ACACA: variants seen among roughly 807,000 people sequenced by gnomAD.
ACACA encodes the protein acetyl-CoA carboxylase 1.
ACACA carries 103 observed loss-of-function variants against 296.1 expected under a neutral mutation model. The observed-to-expected ratio is 0.35, with a 90% CI of 0.30 to 0.41. The LOEUF is 0.41. Among genes scored for constraint, ACACA ranks in the 10% least tolerant of loss-of-function variants. The pLI is 1.00. For missense variants in ACACA, 1,554 were observed against 2,989.7 expected (o/e 0.52, Z 11.20); for synonymous variants, 953 against 1,038.6 (o/e 0.92, Z 1.58).
chr17:37,181,279 G>A lies in ACACA; in HGVS notation c.4854C>T (p.Asp1618=), dbSNP rs1263279506. 6.2e-7 allele frequency: 1 copy of A among 1,613,874 alleles called. No individual in the cohort carries two copies. The highest frequency in any genetic ancestry group is 1.7e-5 in the Admixed American group (1 of 59,994). The change falls in exon 40 of 56, where the codon GAC becomes GAT. Residue 1618 remains aspartate, a synonymous_variant. Coordinates refer to ENST00000616317, the MANE Select transcript of ACACA (RefSeq NM_198834.3). ...CCTGGAACCTCTTTGATTGCAGCAG[G>A]TCTTTGGTCACATATGGAGTATTGA... is the stretch of plus-strand genomic sequence containing the variant. ...MLINTPYVTK[D]LLQSKRFQAQ...
chr17:37,379,315 T>G, intron 1 of ACACA: 1 of 1,613,928 alleles, frequency 6.2e-7, no homozygotes, highest in Non-Finnish European at 8.5e-7. Flanking sequence ...GAAACAGCTC[T>G]GCCTCCTCAA....
intron 41 of ACACA, among the ~76,000 whole-genome samples, chr17:37,174,736 T>C (rs1330180788): frequency 2.0e-5 from 3 of 151,666 alleles, no homozygotes; most frequent in African/African-American, 7.3e-5. Context: ...TTTCACCATG[T>C]GGGCCAGGAT....
intron 1 of ACACA, chr17:37,377,983 T>C (rs1277406949): frequency 1.2e-6 from 2 of 1,609,264 alleles, no homozygotes; most frequent in Non-Finnish European, 8.5e-7. Context: ...ATGGGTCCTT[T>C]CTGGAAAATG....
rs143176189 is a variant in ACACA, at chr17:37,164,032, A to G, written c.5080-1982T>C. 3.1e-3 allele frequency among the ~76,000 whole-genome samples: 468 copies of G among 152,112 alleles called. 3 individuals carry two copies. The South Asian group carries it at 0.032, about 11-fold the overall frequency. ...CTGTTTCCCCTATACCTGGATAAGT[A>G]ATGTTTTCCATTCTTTTTTTCCCCC... On this transcript the variant is annotated intron_variant, in intron 41 of 55. Coordinates refer to ENST00000616317, the MANE Select transcript of ACACA (RefSeq NM_198834.3).
intron 14 of ACACA, 68 bp downstream of exon 14, chr17:37,257,635 C>G (rs917758007): frequency 2.2e-5 from 34 of 1,513,646 alleles, no homozygotes; most frequent in Non-Finnish European, 2.5e-5. Context: ...TATTCCCATG[C>G]TCACACCTTC....
intron 33 of ACACA, among the ~76,000 whole-genome samples, chr17:37,201,590 T>C (rs1415629943): frequency 6.8e-6 from 1 of 147,184 alleles, no homozygotes; most frequent in East Asian, 2.5e-4. Flanking sequence ...GTAAAAGACA[T>C]GTGTTTAGAG....
At chr17:37,148,100 A>C (rs2075888284) in intron 45 of ACACA, among the ~76,000 whole-genome samples, 1 of 151,928 alleles carries the variant, frequency 6.6e-6, no homozygotes, top group Non-Finnish European at 1.5e-5. Context: ...AGGTTTTTAA[A>C]GTACCATTAT....
At chr17:37,316,285 C>G (rs898933359) in intron 3 of ACACA, among the ~76,000 whole-genome samples, 3 of 144,596 alleles carry the variant, frequency 2.1e-5, no homozygotes, top group Non-Finnish European at 3.0e-5. Context: ...GTCTACCCTA[C>G]CAGCTCTACC....
intron 1 of ACACA, chr17:37,358,871 G>C: frequency 1.2e-6 from 1 of 867,968 alleles, no homozygotes; most frequent in South Asian, 5.3e-5. Flanking sequence ...GATCTGGATA[G>C]TGTGGAGCCC....
At chr17:37,343,763 C>CAAAA (rs1161272864) in intron 1 of ACACA, among the ~76,000 whole-genome samples, 1 of 67,102 alleles carries the variant, frequency 1.5e-5, no homozygotes, top group Non-Finnish European at 3.2e-5. Flanking sequence ...GACTCTGTCT[C>CAAAA]AAAAAAAAAA....
chr17:37,347,928 T>C lies in ACACA; in HGVS notation c.39-8078A>G, dbSNP rs1276165941. Among the ~76,000 whole-genome samples, 3 of 151,984 alleles carry C rather than the reference T, an allele frequency of 2.0e-5. No homozygotes were observed. The East Asian group carries it at 5.8e-4, about 29-fold the overall frequency. On this transcript the variant is annotated intron_variant, in intron 1 of 55. Transcript: ENST00000616317. Reference sequence around the variant, plus strand: ...GGCTCATGCCTGTAATCCTAGCACTTTGGGAGGGCAAGGTGGGAGGATCAC... The same window carrying C: ...GGCTCATGCCTGTAATCCTAGCACTCTGGGAGGGCAAGGTGGGAGGATCAC...
At chr17:37,134,593 A>T (rs1354183013) in intron 45 of ACACA, among the ~76,000 whole-genome samples, 1 of 152,174 alleles carries the variant, frequency 6.6e-6, no homozygotes, top group Non-Finnish European at 1.5e-5. Context: ...CATGCATATC[A>T]ATGATGGAAT....
At position 37,243,312 on chromosome 17, in the gene ACACA, T is replaced by C. The variant is rs1452232114; in HGVS notation, c.2931+59A>G. 8 of 1,529,492 alleles carry C rather than the reference T, an allele frequency of 5.2e-6. No individual in the cohort carries two copies. In the East Asian group the frequency reaches 1.3e-4, roughly 26 times the overall value. 94.7% of individuals were successfully genotyped at this position (1,529,492 alleles called of 1,614,324 possible). A position where few individuals can be genotyped will look rare whatever the true frequency, so the allele number is the denominator to read the frequency against. ...GGAGGATCCAAATAGGAAGGAATCC[T>C]ACAACATAAACTCTGGCATTGGTAG... is the stretch of plus-strand genomic sequence containing the variant. On this transcript the variant is annotated intron_variant, in intron 22 of 55. Transcript: ENST00000616317.
At chr17:37,340,211 T>G (rs1313841844) in intron 1 of ACACA, among the ~76,000 whole-genome samples, 1 of 152,198 alleles carries the variant, frequency 6.6e-6, no homozygotes, top group African/African-American at 2.4e-5. Flanking sequence ...TTCTCTACAA[T>G]TCACTTAAGC....
chr17:37,404,202 G>A (rs1038757757), intron 1 of ACACA, among the ~76,000 whole-genome samples: 1 of 152,126 alleles, frequency 6.6e-6, no homozygotes, highest in Admixed American at 6.6e-5. Context: ...ATTTGCCTTA[G>A]CCAGTCTCAA....
chr17:37,294,952 T>A (rs1478168047), intron 3 of ACACA, among the ~76,000 whole-genome samples: 1 of 152,228 alleles, frequency 6.6e-6, no homozygotes, highest in Admixed American at 6.5e-5. Flanking sequence ...ACTTCTGGCA[T>A]CCTTATAATT....
chr17:37,089,197 A>ACTGT (rs1178982029), intron 54 of ACACA, 123 bp from the exon 55 acceptor site: 7 of 1,405,018 alleles, frequency 5.0e-6, no homozygotes, highest in Non-Finnish European at 6.0e-6. Flanking sequence ...ATTCTCCTTC[A>ACTGT]CTGTCAGCAT....
chr17:37,185,183 C>T (rs1038833291), intron 39 of ACACA, among the ~76,000 whole-genome samples: 1 of 152,152 alleles, frequency 6.6e-6, no homozygotes, highest in African/African-American at 2.4e-5. Flanking sequence ...TTGAACTGCA[C>T]ACACAAAACG....
At chr17:37,133,315 G>A (rs1207238491) in intron 45 of ACACA, among the ~76,000 whole-genome samples, 2 of 152,200 alleles carry the variant, frequency 1.3e-5, no homozygotes, top group African/African-American at 4.8e-5. Flanking sequence ...CCACATGTTT[G>A]GAGTATGCGC....
Sources: gnomAD v4.1 joint callset for allele counts (sites outside exome capture counted in the v4.1 genomes callset) on GRCh38, gnomAD v4.1.1 for gene constraint, MANE v1.5 for transcripts, NCBI Gene and HGNC (gene_info 2026-07-23, HGNC 2026-07-21) for gene names.